The following TPP2 variants were observed in gnomAD, a reference collection of about 807,000 sequenced individuals.
TPP2 encodes the protein tripeptidyl-peptidase 2.
A neutral mutation model predicts 155.9 loss-of-function variants in TPP2; 34 were observed. The observed-to-expected ratio is 0.22, with a 90% CI of 0.17 to 0.29. TPP2 has a LOEUF of 0.29. Ranked by LOEUF, TPP2 falls within the 10% of genes least tolerant of loss-of-function variation. The probability of loss-of-function intolerance (pLI) is 1.00; values close to 1 mark genes in which losing one functional copy is unlikely to be tolerated. For synonymous variants in TPP2, 510 were observed against 529.4 expected (o/e 0.96, Z 0.50); for missense variants, 1,028 against 1,522.3 (o/e 0.68, Z 5.40).
Position 102,597,316 on chromosome 13 carries a change from GCCGGGGTGGGCAGCA to G in TPP2, c.165+127_165+141del, listed in dbSNP as rs946529411. On this transcript the variant is annotated intron_variant, in intron 1 of 29. Transcript: ENST00000376052. ...AGCCCCGCTCTGCGGCCGAGTCCGGGCCGGGGTGGGCAGCACCGGGGTGGGCAGAGGTCAGAGCCA... is the reference window on the plus strand; with the variant it reads ...AGCCCCGCTCTGCGGCCGAGTCCGGGCCGGGGTGGGCAGAGGTCAGAGCCA... 8.3e-6 allele frequency: 5 copies of G among 599,070 alleles called. No homozygotes were observed. The South Asian group carries it at 1.5e-4, about 18-fold the overall frequency. The allele number at this position is 599,070 out of a possible 1,614,324, so 37.1% of individuals were successfully genotyped here.
At chr13:102,613,861 A>C (rs2139437005) in intron 2 of TPP2, among the ~76,000 whole-genome samples, 1 of 152,342 alleles carries the variant, frequency 6.6e-6, no homozygotes, top group South Asian at 2.1e-4. Context: ...CACTTTTTAA[A>C]CCATGAAGCA....
chr13:102,676,509 A>C, intron 29 of TPP2, 94 bp downstream of exon 29: 1 of 1,462,008 alleles, frequency 6.8e-7, no homozygotes, highest in Non-Finnish European at 9.4e-7. Flanking sequence ...ATATAGCAAT[A>C]CTGGTTTTAT....
chr13:102,658,925 G>T (rs1263524115), intron 25 of TPP2, among the ~76,000 whole-genome samples: 1 of 152,216 alleles, frequency 6.6e-6, no homozygotes, highest in Non-Finnish European at 1.5e-5. Context: ...CCAGGAGGCT[G>T]TGGTTCCATA....
intron 12 of TPP2, 98 bp downstream of exon 12, chr13:102,635,800 A>G (rs1698764969): frequency 2.2e-6 from 2 of 902,560 alleles, no homozygotes; most frequent in Non-Finnish European, 1.7e-6. Context: ...GTGATTCAGT[A>G]TATCTGAATT....
In TPP2 at chr13:102,668,095, A is replaced by G. The variant is rs546140905; in HGVS notation, c.3371+3170A>G. ...TGATCAAAGGTTGGTTTTTGGAGAC[A>G]GGAGTAGTCAAATTTGTCTAGCGCA... is the stretch of plus-strand genomic sequence containing the variant. On this transcript the variant is annotated intron_variant, in intron 27 of 29. Transcript: ENST00000376052. 1.1e-4 allele frequency among the ~76,000 whole-genome samples: 17 copies of G among 152,364 alleles called. No individual in the cohort carries two copies. In the East Asian group the frequency reaches 2.9e-3, roughly 26 times the overall value.
chr13:102,645,085 CTTTTTT>C, intron 19 of TPP2, 76 bp downstream of exon 19: 1 of 1,062,710 alleles, frequency 9.4e-7, no homozygotes, highest in Non-Finnish European at 1.3e-6. Context: ...AAAAAAGGGC[CTTTTTT>C]TTTTTTAATC....
chr13:102,656,012 A>G (rs576060861), intron 24 of TPP2, among the ~76,000 whole-genome samples: 12 of 152,154 alleles, frequency 7.9e-5, no homozygotes, highest in African/African-American at 1.4e-4. Flanking sequence ...TTTAAAGAAG[A>G]TCTCAAATCT....
chr13:102,617,365 A>G (rs1880823505), intron 4 of TPP2, among the ~76,000 whole-genome samples: 1 of 152,166 alleles, frequency 6.6e-6, no homozygotes, highest in Non-Finnish European at 1.5e-5. Flanking sequence ...TGTGGAATTG[A>G]TACTGATGAA....
rs370475170 is a variant in TPP2, at chr13:102,676,317, C to T, written c.3601C>T (p.His1201Tyr). The part of the protein sequence containing the change: ...DNKVLTFAYK[H>Y]ALVNKMYGRG... ...GTAGGTTTTGACATTTGCATATAAA[C>T]ATGCATTAGTAAATAAAATGTATGG... Residue 1201 changes from histidine to tyrosine, a missense_variant, in exon 29 of 30, where the codon CAT becomes TAT. Physicochemically the swap from His to Tyr is moderately conservative, Grantham distance 83 (BLOSUM62 2). Transcript: ENST00000376052. 57 of 1,603,216 alleles carry T rather than the reference C, an allele frequency of 3.6e-5. 1 individual carries two copies. The highest frequency in any genetic ancestry group is 4.7e-5 in the Non-Finnish European group (55 of 1,172,408).
rs150483396 is a variant in TPP2, at chr13:102,668,477, A to G, written c.3371+3552A>G. On this transcript the variant is annotated intron_variant, in intron 27 of 29. Coordinates refer to ENST00000376052, the MANE Select transcript of TPP2 (RefSeq NM_001330588.2). The stretch of plus-strand genomic sequence containing the variant: ...TTGCATCCTAGAATTAGTAAATAAC[A>G]TAAGACAAAATGAGTATAATCAGTA... Among the ~76,000 whole-genome samples, 225 of 152,332 alleles carry G rather than the reference A, an allele frequency of 1.5e-3. 2 individuals are homozygous for G. The highest frequency in any genetic ancestry group is 5.2e-3 in the African/African-American group (217 of 41,574).
chr13:102,639,304 T>G (rs1291339017), intron 15 of TPP2, among the ~76,000 whole-genome samples: 1 of 152,194 alleles, frequency 6.6e-6, no homozygotes, highest in Admixed American at 6.5e-5. Flanking sequence ...CTAACAGTTC[T>G]GTTACTCTGG....
chr13:102,628,436 A>G (rs1881792857), intron 8 of TPP2, among the ~76,000 whole-genome samples: 1 of 152,128 alleles, frequency 6.6e-6, no homozygotes, highest in Non-Finnish European at 1.5e-5. Context: ...TATTCTCTTT[A>G]GTGACTTGCA....
At chr13:102,661,743 C>A (rs929620765) in intron 25 of TPP2, among the ~76,000 whole-genome samples, 2 of 152,074 alleles carry the variant, frequency 1.3e-5, no homozygotes, top group South Asian at 4.1e-4. Flanking sequence ...TTCACACTTA[C>A]TAGGATGACT....
At chr13:102,633,830 T>TA in intron 10 of TPP2, 120 bp from the exon 11 acceptor site, 4 of 1,374,018 alleles carry the variant, frequency 2.9e-6, no homozygotes, top group Non-Finnish European at 4.0e-6. Flanking sequence ...TCACTATTTG[T>TA]AATGAGTGCA....
At chr13:102,634,324 G>A (rs1206708061) in intron 11 of TPP2, among the ~76,000 whole-genome samples, 1 of 152,146 alleles carries the variant, frequency 6.6e-6, no homozygotes, top group South Asian at 2.1e-4. Flanking sequence ...TTTTAGCTCT[G>A]GGGCTAAATT....
At position 102,596,992 on chromosome 13, in the gene TPP2, C is replaced by T. The variant is rs1316750704; in HGVS notation, c.-47C>T. On this transcript the variant is annotated 5_prime_UTR_variant, in exon 1 of 30. Transcript: ENST00000376052. ...CGGGTGTCCTCGCGCTGCTAGTCCG[C>T]GCGCAGCCTGGCAGTTTGCCGCTTC... The T allele has an allele frequency of 5.0e-6, 8 of 1,597,060 alleles. No individual in the cohort carries two copies. Among genetic ancestry groups the T allele is most frequent in the African/African-American group, 1.4e-5 (1 of 73,102 alleles).
chr13:102,644,944 G>A lies in TPP2; in HGVS notation c.2328G>A (p.Gln776=). 6.2e-7 allele frequency: 1 copy of A among 1,614,046 alleles called. No individual in the cohort carries two copies. The highest frequency in any genetic ancestry group is 8.5e-7 in the Non-Finnish European group (1 of 1,179,956). The change falls in exon 19 of 30, where the codon CAG becomes CAA. Residue 776 remains glutamine (Q), a synonymous_variant. Coordinates refer to ENST00000376052, the MANE Select transcript of TPP2 (RefSeq NM_001330588.2). ...AAGGAATCAACCGCTTTGATGTTCA[G>A]TCCTCCTTGAAATACGAAGATCTGG... ...ASEGINRFDV[Q]SSLKYEDLAP...
chr13:102,646,411 G>C (rs1883105962), intron 20 of TPP2, 21 bp downstream of exon 20: 2 of 1,588,154 alleles, frequency 1.3e-6, no homozygotes, highest in Admixed American at 3.4e-5. Context: ...GCCTAGTAAA[G>C]TGTACCCTTA....
rs1265275197 is a variant in TPP2 at position 102,638,290 on chromosome 13, C to G, written c.1888C>G (p.Pro630Ala). The G allele has an allele frequency of 6.2e-7, 1 of 1,612,846 alleles. No homozygotes were observed. The highest frequency in any genetic ancestry group is 1.3e-5 in the African/African-American group (1 of 74,902). The change falls in exon 15 of 30, where the codon CCG (proline) becomes GCG (alanine). Residue 630 changes from proline (P) to alanine (A), a missense_variant. Physicochemically the swap from Pro to Ala is conservative, Grantham distance 27. Coordinates refer to ENST00000376052, the MANE Select transcript of TPP2 (RefSeq NM_001330588.2). ...TAACGCAGGTCCGCTCTTCAGAGTT[C>G]CGATCACTGCAGTTATAGCAGCAAA... Reference protein sequence around the residue: ...SPNAGPLFRVPITAVIAAKVN... With the variant: ...SPNAGPLFRVAITAVIAAKVN...
Sources: gnomAD v4.1 joint callset for allele counts (sites outside exome capture counted in the v4.1 genomes callset) on GRCh38, gnomAD v4.1.1 for gene constraint, MANE v1.5 for transcripts, NCBI Gene and HGNC (gene_info 2026-07-23, HGNC 2026-07-21) for gene names.